Variants in FOXP2 observed in about 807,000 individuals in gnomAD.
FOXP2 encodes forkhead box P2.
In FOXP2, 12 loss-of-function variants were observed where a neutral mutation model predicts 115.8. The ratio of observed to expected loss-of-function variants is 0.10; its 90% CI spans 0.07 to 0.17. FOXP2 has a LOEUF of 0.17. Ranked by LOEUF, FOXP2 falls within the 10% of genes least tolerant of loss-of-function variation. The probability of loss-of-function intolerance (pLI) is 1.00; values close to 1 mark genes in which losing one functional copy is unlikely to be tolerated. For synonymous variants in FOXP2, 328 were observed against 297.7 expected (o/e 1.10, Z -1.05); for missense variants, 629 against 843.5 (o/e 0.75, Z 3.15).
intron 2 of FOXP2, among the ~76,000 whole-genome samples, chr7:114,350,767 G>A (rs1224903923): frequency 6.6e-6 from 1 of 152,054 alleles, no homozygotes; most frequent in African/African-American, 2.4e-5. Flanking sequence ...CAATTTATTT[G>A]TATTCAAAAT....
chr7:114,167,875 G>T (rs1302374948), intron 1 of FOXP2, among the ~76,000 whole-genome samples: 1 of 149,530 alleles, frequency 6.7e-6, no homozygotes, highest in African/African-American at 2.5e-5. Flanking sequence ...GGCAGAGGTT[G>T]CAGTGAGCCG....
intron 1 of FOXP2, among the ~76,000 whole-genome samples, chr7:114,233,961 C>G (rs1042012642): frequency 1.3e-5 from 2 of 152,188 alleles, no homozygotes; most frequent in Admixed American, 1.3e-4. Flanking sequence ...GCAGTGAGTC[C>G]ACATTGCGCC....
At chr7:114,447,587 TC>T (rs1274289590) in intron 2 of FOXP2, among the ~76,000 whole-genome samples, 4 of 152,146 alleles carry the variant, frequency 2.6e-5, no homozygotes, top group African/African-American at 9.7e-5. Flanking sequence ...GCTGTTTTCT[TC>T]CTGGATCACA....
At chr7:114,539,046 T>TA (rs1562985298) in intron 3 of FOXP2, among the ~76,000 whole-genome samples, 3 of 151,896 alleles carry the variant, frequency 2.0e-5, no homozygotes, top group Non-Finnish European at 4.4e-5. Context: ...TGTTTTGATA[T>TA]AATGCAACTT....
At chr7:114,664,477 A>G (rs768642907) in intron 16 of FOXP2, 41 bp downstream of exon 16, 18 of 1,608,146 alleles carry the variant, frequency 1.1e-5, no homozygotes, top group Non-Finnish European at 1.5e-5. Flanking sequence ...AAGAATCTAT[A>G]TTAATATGCT....
At chr7:114,600,060 T>A (rs529466986) in intron 3 of FOXP2, among the ~76,000 whole-genome samples, 1 of 152,274 alleles carries the variant, frequency 6.6e-6, no homozygotes, top group East Asian at 1.9e-4. Context: ...TTACATTGGA[T>A]TCACTCTTGG....
rs923467798 is a variant in FOXP2 at position 114,237,645 on chromosome 7, CT to C, written c.-101-50364del. Among the ~76,000 whole-genome samples the C allele has an allele frequency of 4.3e-3, 629 of 146,986 alleles. 6 individuals carry two copies. Among genetic ancestry groups the C allele is most frequent in the African/African-American group, 0.015 (598 of 40,112 alleles). The stretch of plus-strand genomic sequence containing the variant: ...CTTTTGTTGCTTCATTCTTTCCTTG[CT>C]TTTTTTTTTGTTTGTTTTTTAAAAA... On this transcript the variant is annotated intron_variant, in intron 1 of 17. Coordinates refer to the FOXP2 transcript ENST00000634411.
chr7:114,183,698 A>G (rs776926), intron 1 of FOXP2, among the ~76,000 whole-genome samples: 131,322 of 152,208 alleles, frequency 0.86, 57,082 homozygotes, highest in Non-Finnish European at 0.92. Flanking sequence ...GATATCATAT[A>G]TGCACTTTTT....
rs1805749124 is a variant in FOXP2 at position 114,644,315 on chromosome 7, G to A, written c.990-370G>A. Among the ~76,000 whole-genome samples the A allele has an allele frequency of 3.3e-5, 5 of 152,168 alleles. No individual in the cohort carries two copies. The South Asian group carries it at 8.3e-4, about 25-fold the overall frequency. On this transcript the variant is annotated intron_variant, in intron 7 of 16. Coordinates refer to ENST00000350908, the MANE Select transcript of FOXP2 (RefSeq NM_014491.4). Reference sequence around the variant, plus strand: ...AAAGAGCATTTCAAAATCTTATGATGGCTGTCCTATTATTCTCTTGAAAAT... The same window carrying A: ...AAAGAGCATTTCAAAATCTTATGATAGCTGTCCTATTATTCTCTTGAAAAT...
At chr7:114,666,237 AT>A (rs1295784592) in intron 16 of FOXP2, 5 of 152,072 alleles carry the variant, frequency 3.3e-5, no homozygotes, top group African/African-American at 1.2e-4. Flanking sequence ...TTGAAAATAG[AT>A]TTCAGAAAAA....
chr7:114,457,993 C>T (rs1795393911), intron 2 of FOXP2, among the ~76,000 whole-genome samples: 1 of 151,022 alleles, frequency 6.6e-6, no homozygotes, highest in African/African-American at 2.4e-5. Flanking sequence ...TATTGAGGAA[C>T]AGAAATTAAG....
At chr7:114,531,764 T>C (rs1799154117) in intron 2 of FOXP2, among the ~76,000 whole-genome samples, 1 of 152,052 alleles carries the variant, frequency 6.6e-6, no homozygotes, top group Non-Finnish European at 1.5e-5. Context: ...AGAAGCATTT[T>C]TTTAGCCAGC....
At chr7:114,278,631 G>A (rs982639435) in intron 1 of FOXP2, among the ~76,000 whole-genome samples, 9 of 152,134 alleles carry the variant, frequency 5.9e-5, no homozygotes, top group Admixed American at 1.3e-4. Flanking sequence ...TAGGATTACC[G>A]GCGTGAGCCA....
chr7:114,678,547 C>CTTTTTTTTTT lies in FOXP2; in HGVS notation c.2004-11218_2004-11209dup, dbSNP rs35525759. Among the ~76,000 whole-genome samples the CTTTTTTTTTT allele has an allele frequency of 2.9e-4, 14 of 48,410 alleles. 2 individuals carry two copies. The highest frequency in any genetic ancestry group is 1.3e-3 in the East Asian group (2 of 1,584). The allele number at this position is 48,410 out of a possible 152,430, so 31.8% of individuals were successfully genotyped here. The stretch of plus-strand genomic sequence containing the variant: ...TACTTCTCTCCGGAAATAAGTGACT[C>CTTTTTTTTTT]TTTTTTTTTTTTTTTTTTTTTTTTT... On this transcript the variant is annotated intron_variant, in intron 16 of 16. Transcript: ENST00000350908.
intron 2 of FOXP2, among the ~76,000 whole-genome samples, chr7:114,465,876 G>C (rs189543506): frequency 6.6e-6 from 1 of 152,122 alleles, no homozygotes; most frequent in Non-Finnish European, 1.5e-5. Context: ...AATGTTGGAA[G>C]AAGAAAGTAG....
chr7:114,691,961 A>G lies in FOXP2; in HGVS notation c.*2035A>G, dbSNP rs904443885. 1 of 419,520 alleles carries G rather than the reference A, an allele frequency of 2.4e-6. No homozygotes were observed. Among genetic ancestry groups the G allele is most frequent in the Non-Finnish European group, 4.6e-6 (1 of 218,376 alleles). The allele number at this position is 419,520 out of a possible 1,614,324, so 26.0% of individuals were successfully genotyped here. On this transcript the variant is annotated 3_prime_UTR_variant, in exon 17 of 17. Transcript: ENST00000350908. ...AAAAAAAGAAAAAAAAAAAAAGAAA[A>G]ACATTAGAACAATTATGGCAGATTG...
upstream of FOXP2, among the ~76,000 whole-genome samples, chr7:114,161,275 A>G (rs1425029735): frequency 1.3e-5 from 2 of 152,216 alleles, no homozygotes; most frequent in East Asian, 3.9e-4. Flanking sequence ...TCTAGTCTTC[A>G]GTGGATATAG....
chr7:114,165,656 G>A (rs544326426), intron 1 of FOXP2, among the ~76,000 whole-genome samples: 3 of 152,254 alleles, frequency 2.0e-5, no homozygotes, highest in Admixed American at 6.5e-5. Context: ...CCCTTTTCAT[G>A]GATAGATGGG....
intron 1 of FOXP2, among the ~76,000 whole-genome samples, chr7:114,170,932 G>T (rs1383767858): frequency 6.6e-6 from 1 of 152,228 alleles, no homozygotes; most frequent in Non-Finnish European, 1.5e-5. Flanking sequence ...GATTTTCAAT[G>T]TGGATAGAAC....
Sources: allele counts gnomAD v4.1 joint callset (sites outside exome capture counted in the v4.1 genomes callset), GRCh38; gene constraint gnomAD v4.1.1; transcripts MANE v1.5; gene names NCBI Gene and HGNC (gene_info 2026-07-23, HGNC 2026-07-21).